Variants in ETFA observed in about 807,000 individuals in gnomAD.
The protein encoded by ETFA is electron transfer flavoprotein subunit alpha, mitochondrial.
ETFA carries 22 observed loss-of-function variants against 46.2 expected under a neutral mutation model. The ratio of observed to expected loss-of-function variants is 0.48; its 90% confidence interval spans 0.34 to 0.68. ETFA has a LOEUF of 0.68. Among genes scored for constraint, ETFA ranks in the 30% least tolerant of loss-of-function variants. The probability of loss-of-function intolerance (pLI) is 0.01; values close to 1 mark genes in which losing one functional copy is unlikely to be tolerated. For missense variants in ETFA, 345 were observed against 401.1 expected, an observed-to-expected ratio of 0.86 and a Z score of 1.19; for synonymous variants, 131 against 139.9, an observed-to-expected ratio of 0.94 and a Z score of 0.45.
At chr15:76,219,337 A>T (rs1198847711) in intron 11 of ETFA, among the ~76,000 whole-genome samples, 4 of 152,220 alleles carry the variant, frequency 2.6e-5, no homozygotes, top group African/African-American at 9.6e-5. Flanking sequence ...AAAATGGATC[A>T]ACAACCTAAA....
At chr15:76,253,249 G>T (rs1318886192) in intron 9 of ETFA, among the ~76,000 whole-genome samples, 1 of 152,102 alleles carries the variant, frequency 6.6e-6, no homozygotes, top group African/African-American at 2.4e-5. Flanking sequence ...ACTAGGAATT[G>T]TTCCATAATC....
chr15:76,228,067 G>A (rs773856092), intron 10 of ETFA: 6 of 429,818 alleles, frequency 1.4e-5, no homozygotes, highest in African/African-American at 2.0e-5. Flanking sequence ...CCTGCTTCAC[G>A]GCGATAAGCA....
At chr15:76,271,004 C>A (rs2039524386) in intron 9 of ETFA, among the ~76,000 whole-genome samples, 1 of 151,816 alleles carries the variant, frequency 6.6e-6, no homozygotes. Context: ...ACCCAGTCTC[C>A]ACTAAAAATA....
At chr15:76,226,161 T>C in intron 10 of ETFA, 1 of 417,316 alleles carries the variant, frequency 2.4e-6, no homozygotes, top group Non-Finnish European at 4.2e-6. Flanking sequence ...AAAATCATTA[T>C]TTTTTAAAAG....
chr15:76,265,501 G>T (rs1287296773), intron 9 of ETFA, among the ~76,000 whole-genome samples: 2 of 152,136 alleles, frequency 1.3e-5, no homozygotes, highest in Admixed American at 1.3e-4. Flanking sequence ...GGATTTTGAA[G>T]GACTAGTAGA....
rs563391466 is a variant in ETFA, at chr15:76,249,544, C to T, written c.817-18146G>A. ...GCAAGCTCCGCCTCCCGGGTTCATGCCATTCTCCTGCCTCAGCCTCCCGAG... is the reference window on the plus strand; with the variant it reads ...GCAAGCTCCGCCTCCCGGGTTCATGTCATTCTCCTGCCTCAGCCTCCCGAG... On this transcript the variant is annotated intron_variant, in intron 9 of 11. Coordinates refer to ENST00000557943, the MANE Select transcript of ETFA (RefSeq NM_000126.4). 4.0e-5 allele frequency among the ~76,000 whole-genome samples: 6 copies of T among 150,008 alleles called. No individual in the cohort carries two copies. In the East Asian group the frequency reaches 1.2e-3, roughly 29 times the overall value.
intron 9 of ETFA, among the ~76,000 whole-genome samples, chr15:76,261,907 G>C (rs2039418237): frequency 6.6e-6 from 1 of 152,194 alleles, no homozygotes; most frequent in Admixed American, 6.5e-5. Context: ...CCAGCACTTT[G>C]AGAGGCCAAG....
At chr15:76,306,903 T>C (rs1318852548) in intron 1 of ETFA, among the ~76,000 whole-genome samples, 1 of 152,166 alleles carries the variant, frequency 6.6e-6, no homozygotes, top group Non-Finnish European at 1.5e-5. Flanking sequence ...GCAATAAATT[T>C]TCTTTTAGAA....
intron 10 of ETFA, chr15:76,230,218 C>CTTTTTTTTTTTTTT (rs199621717): frequency 4.1e-5 from 2 of 48,480 alleles, no homozygotes; most frequent in African/African-American, 1.9e-4. Flanking sequence ...ACTTATTGCA[C>CTTTTTTTTTTTTTT]TTTTTTTTTT....
chr15:76,303,441 G>C (rs1027680998), intron 1 of ETFA, among the ~76,000 whole-genome samples: 3 of 152,088 alleles, frequency 2.0e-5, no homozygotes, highest in African/African-American at 4.8e-5. Context: ...AAAAGAAATT[G>C]CAACAAAAAT....
At chr15:76,217,634 G>A (rs1285044826) in intron 11 of ETFA, 1 of 452,816 alleles carries the variant, frequency 2.2e-6, no homozygotes, top group African/African-American at 2.0e-5. Context: ...CCAGTGTAGA[G>A]CTGCTTTGTG....
At chr15:76,235,187 T>C (rs920801608) in intron 9 of ETFA, among the ~76,000 whole-genome samples, 1 of 152,126 alleles carries the variant, frequency 6.6e-6, no homozygotes, top group African/African-American at 2.4e-5. Context: ...GTCCTTAGCA[T>C]AGTATCAGAT....
intron 1 of ETFA, among the ~76,000 whole-genome samples, chr15:76,307,775 T>C (rs998145089): frequency 2.0e-5 from 3 of 152,174 alleles, no homozygotes; most frequent in African/African-American, 2.4e-5. Flanking sequence ...TCAGCCACCA[T>C]GGTTGGCCCC....
At chr15:76,257,732 A>G (rs1323451727) in intron 9 of ETFA, among the ~76,000 whole-genome samples, 4 of 151,796 alleles carry the variant, frequency 2.6e-5, no homozygotes, top group African/African-American at 4.8e-5. Flanking sequence ...TGTTTATTGC[A>G]GCACTATTCA....
chr15:76,249,145 T>C (rs1304471001), intron 9 of ETFA, among the ~76,000 whole-genome samples: 1 of 151,332 alleles, frequency 6.6e-6, no homozygotes, highest in African/African-American at 2.4e-5. Flanking sequence ...TTTTTTTTTT[T>C]GAGACGGAGT....
rs200928944 is a variant in ETFA at position 76,292,432 on chromosome 15, T to C, written c.350A>G (p.Lys117Arg). 4 of 1,610,376 alleles carry C rather than the reference T, an allele frequency of 2.5e-6. No individual in the cohort carries two copies. The highest frequency in any genetic ancestry group is 2.2e-5 in the East Asian group (1 of 44,858). The change falls in exon 4 of 12, where the codon AAG becomes AGG. Residue 117 changes from lysine to arginine, a missense_variant and splice_region_variant. Physicochemically the swap from Lys to Arg is conservative, Grantham distance 26 (BLOSUM62 2). Coordinates refer to ENST00000557943, the MANE Select transcript of ETFA (RefSeq NM_000126.4). ...HICAGASAFG[K>R]NLLPRVAAKL... ...ATTCCACATTCTCAACCTTCTCACC[T>C]TTCCGAAGGCAGATGCTCCAGCACA...
At chr15:76,296,228 T>C (rs1174102200) in intron 1 of ETFA, among the ~76,000 whole-genome samples, 1 of 152,144 alleles carries the variant, frequency 6.6e-6, no homozygotes, top group Non-Finnish European at 1.5e-5. Flanking sequence ...ATTACAGGCA[T>C]GCGCCACCGC....
intron 9 of ETFA, among the ~76,000 whole-genome samples, chr15:76,272,422 A>C (rs1179747876): frequency 6.6e-6 from 1 of 151,976 alleles, no homozygotes; most frequent in Non-Finnish European, 1.5e-5. Context: ...GGGTTTCACC[A>C]TATTAGCCAG....
intron 9 of ETFA, among the ~76,000 whole-genome samples, chr15:76,262,966 G>T (rs190878189): frequency 5.8e-4 from 88 of 152,308 alleles, no homozygotes; most frequent in African/African-American, 2.1e-3. Context: ...AAGAATAGAT[G>T]TGTCAGGACG....
Sources: gnomAD v4.1 joint callset for allele counts (sites outside exome capture counted in the v4.1 genomes callset) on GRCh38, gnomAD v4.1.1 for gene constraint, MANE v1.5 for transcripts, NCBI Gene and HGNC (gene_info 2026-07-23, HGNC 2026-07-21) for gene names.